The following HMGB1 variants were observed in gnomAD, a reference collection of about 807,000 sequenced individuals.
The protein encoded by HMGB1 is high mobility group box 1.
For synonymous variants in HMGB1, 81 were observed against 84.0 expected (o/e 0.96, Z 0.19); for missense variants, 79 against 253.5 (o/e 0.31, Z 4.67).
chr13:30,497,887 T>C (rs950320983), intron 1 of HMGB1, among the ~76,000 whole-genome samples: 23 of 152,214 alleles, frequency 1.5e-4, no homozygotes, highest in Non-Finnish European at 3.1e-4. Flanking sequence ...CCATGTCTTA[T>C]GCTATTGGGA....
intron 1 of HMGB1, among the ~76,000 whole-genome samples, chr13:30,563,759 G>A (rs1316495473): frequency 2.6e-5 from 4 of 152,228 alleles, no homozygotes; most frequent in Non-Finnish European, 5.9e-5. Context: ...TCATGTTAGA[G>A]GTGTCTTTGG....
At chr13:30,517,546 A>C (rs1458157313) in intron 1 of HMGB1, among the ~76,000 whole-genome samples, 1 of 152,170 alleles carries the variant, frequency 6.6e-6, no homozygotes, top group Admixed American at 6.5e-5. Flanking sequence ...CTGGGACTAC[A>C]CCATGCCTGG....
At chr13:30,569,952 C>T (rs1870356999) in intron 1 of HMGB1, among the ~76,000 whole-genome samples, 1 of 152,176 alleles carries the variant, frequency 6.6e-6, no homozygotes, top group Non-Finnish European at 1.5e-5. Context: ...AGCAACAGTT[C>T]CCTAGCCTGC....
exon 1 of HMGB1, chr13:30,617,119 G>A (rs370109288): frequency 1.3e-5 from 2 of 152,292 alleles, no homozygotes; most frequent in Admixed American, 1.3e-4. Context: ...AACAAGGCAG[G>A]GCAGCTGGAA....
At chr13:30,547,893 G>A (rs1395883130) in intron 1 of HMGB1, among the ~76,000 whole-genome samples, 1 of 152,180 alleles carries the variant, frequency 6.6e-6, no homozygotes, top group Non-Finnish European at 1.5e-5. Context: ...AGTCCAGCCT[G>A]AGCAACAGAG....
At chr13:30,567,779 G>A (rs1446594547) in intron 1 of HMGB1, among the ~76,000 whole-genome samples, 3 of 152,122 alleles carry the variant, frequency 2.0e-5, no homozygotes, top group African/African-American at 7.2e-5. Context: ...GCTCTTTCTT[G>A]TTAGAACACT....
At chr13:30,491,321 C>T (rs1056547782) in intron 1 of HMGB1, among the ~76,000 whole-genome samples, 2 of 152,072 alleles carry the variant, frequency 1.3e-5, no homozygotes, top group African/African-American at 2.4e-5. Context: ...TGAGCCACCG[C>T]GCCTGGCCCA....
chr13:30,474,394 T>C lies in HMGB1; in HGVS notation c.-14-10700A>G, dbSNP rs138831795. Among the ~76,000 whole-genome samples the C allele has an allele frequency of 2.6e-5, 4 of 152,306 alleles. No homozygotes were observed. In the East Asian group the frequency reaches 7.7e-4, roughly 29 times the overall value. On this transcript the variant is annotated intron_variant, in intron 1 of 4. Coordinates refer to the HMGB1 transcript ENST00000405805. Reference sequence around the variant, plus strand: ...ATTTTCATCTATTATTGGAGTTACATATTCTGTGCTTAAAGTATATTTTTG... The same window carrying C: ...ATTTTCATCTATTATTGGAGTTACACATTCTGTGCTTAAAGTATATTTTTG...
chr13:30,580,751 G>C lies in HMGB1; in HGVS notation c.-15+35920C>G, dbSNP rs150645619. Among the ~76,000 whole-genome samples, 554 of 152,250 alleles carry C rather than the reference G, an allele frequency of 3.6e-3. 2 individuals are homozygous for C. The highest frequency in any genetic ancestry group is 0.013 in the African/African-American group (529 of 41,550). ...AATAACTATTAGTTGAATAAAATTG[G>C]AGACTAGAATGATACATAAAGAGGC... On this transcript the variant is annotated intron_variant, in intron 1 of 4. Transcript: ENST00000405805.
At chr13:30,602,033 G>A (rs1314932978) in intron 1 of HMGB1, among the ~76,000 whole-genome samples, 1 of 152,118 alleles carries the variant, frequency 6.6e-6, no homozygotes, top group African/African-American at 2.4e-5. Flanking sequence ...GGGTGAACAG[G>A]ACGTGCACAT....
intron 1 of HMGB1, among the ~76,000 whole-genome samples, chr13:30,609,502 T>C (rs1950493989): frequency 6.6e-6 from 1 of 152,160 alleles, no homozygotes; most frequent in South Asian, 2.1e-4. Context: ...CAATAAAAGT[T>C]ACACCGAGTG....
At chr13:30,493,448 C>T (rs1388720729) in intron 1 of HMGB1, among the ~76,000 whole-genome samples, 1 of 152,108 alleles carries the variant, frequency 6.6e-6, no homozygotes, top group African/African-American at 2.4e-5. Flanking sequence ...ACGAGAAAAT[C>T]TGGGGGATGA....
At chr13:30,561,552 G>A (rs1352126146) in intron 1 of HMGB1, among the ~76,000 whole-genome samples, 1 of 152,086 alleles carries the variant, frequency 6.6e-6, no homozygotes, top group Non-Finnish European at 1.5e-5. Flanking sequence ...GAAAGACCCT[G>A]TTGCGAGAAA....
intron 1 of HMGB1, chr13:30,554,189 C>T: frequency 7.1e-7 from 1 of 1,415,384 alleles, no homozygotes; most frequent in Non-Finnish European, 1.0e-6. Context: ...AACAATATCT[C>T]ACTTGCATTA....
chr13:30,591,555 G>C (rs1210901943), intron 1 of HMGB1, among the ~76,000 whole-genome samples: 2 of 150,196 alleles, frequency 1.3e-5, no homozygotes, highest in East Asian at 1.9e-4. Flanking sequence ...CTGTCAGCCA[G>C]GCTGGAGTGC....
At chr13:30,465,101 C>CG in intron 1 of HMGB1, 2 of 951,380 alleles carry the variant, frequency 2.1e-6, no homozygotes, top group Non-Finnish European at 2.5e-6. Flanking sequence ...AGCTCCCCCG[C>CG]CCGCCCGCCT....
intron 1 of HMGB1, among the ~76,000 whole-genome samples, chr13:30,471,127 C>T (rs992391571): frequency 2.6e-4 from 40 of 151,692 alleles, no homozygotes; most frequent in African/African-American, 9.0e-4. Flanking sequence ...TACAGGCACG[C>T]GCCATGGCTA....
chr13:30,564,346 G>A (rs1046698152), intron 1 of HMGB1, among the ~76,000 whole-genome samples: 7 of 151,440 alleles, frequency 4.6e-5, no homozygotes, highest in East Asian at 1.9e-4. Context: ...CCAGCTACTC[G>A]GGAGGCTGAC....
chr13:30,544,444 CG>C, intron 1 of HMGB1, among the ~76,000 whole-genome samples: 1 of 152,304 alleles, frequency 6.6e-6, no homozygotes, highest in East Asian at 1.9e-4. Flanking sequence ...CCCCAACCTC[CG>C]GGGAGGGAAG....
Sources: gnomAD v4.1 joint callset for allele counts (sites outside exome capture counted in the v4.1 genomes callset) on GRCh38, gnomAD v4.1.1 for gene constraint, MANE v1.5 for transcripts, NCBI Gene and HGNC (gene_info 2026-07-23, HGNC 2026-07-21) for gene names.